Variants in ANAPC7 observed in about 807,000 individuals in gnomAD.
ANAPC7 encodes the protein anaphase-promoting complex subunit 7.
In ANAPC7, 25 loss-of-function variants were observed where a neutral mutation model predicts 63.3. The observed-to-expected ratio is 0.39, with a 90% CI of 0.29 to 0.55. The LOEUF (loss-of-function observed/expected upper bound fraction) is 0.55, where lower values mean the gene tolerates loss of function less well. Among genes scored for constraint, ANAPC7 ranks in the 20% least tolerant of loss-of-function variants. The pLI is 0.57. For synonymous variants in ANAPC7, 241 were observed against 251.7 expected (o/e 0.96, Z 0.40); for missense variants, 516 against 691.7 (o/e 0.75, Z 2.85).
At chr12:110,400,265 T>G (rs912837141) in intron 1 of ANAPC7, among the ~76,000 whole-genome samples, 1 of 152,222 alleles carries the variant, frequency 6.6e-6, no homozygotes, top group Admixed American at 6.5e-5. Context: ...CATGTCTACT[T>G]ACACATGCAT....
Position 110,396,399 on chromosome 12 carries a change from G to C in ANAPC7, c.155C>G (p.Ser52Cys), listed in dbSNP as rs771659945. The change falls in exon 2 of 11, where the codon TCT (serine) becomes TGT (cysteine). Residue 52 changes from serine to cysteine, a missense_variant. This residue lies in a region of ANAPC7 where 185 missense variants were observed against 200.3 expected (regional missense o/e 0.92). Coordinates refer to ENST00000455511, the MANE Select transcript of ANAPC7 (RefSeq NM_016238.3). ...KYQLLVYHADSLFHDKEYRNA... is the reference protein window; with the variant it reads ...KYQLLVYHADCLFHDKEYRNA... The stretch of plus-strand genomic sequence containing the variant: ...CCGATATTCCTTATCATGAAAGAGA[G>C]AATCTGCATGATACACCAAAAGCTG... 2.0e-5 allele frequency: 32 copies of C among 1,613,688 alleles called. No homozygotes were observed. The highest frequency in any genetic ancestry group is 3.3e-5 in the Admixed American group (2 of 59,940).
intron 10 of ANAPC7, chr12:110,375,583 T>G (rs1209829012): frequency 1.3e-6 from 1 of 773,144 alleles, no homozygotes; most frequent in African/African-American, 1.9e-5. Context: ...ATTTAATATC[T>G]AATAAGGTAG....
chr12:110,378,441 C>T (rs1025147839), intron 8 of ANAPC7: 2 of 152,182 alleles, frequency 1.3e-5, no homozygotes, highest in African/African-American at 4.8e-5. Context: ...AAATAAAGGA[C>T]TTATTGTCAA....
chr12:110,398,971 A>G (rs956733301), intron 1 of ANAPC7, among the ~76,000 whole-genome samples: 1 of 152,216 alleles, frequency 6.6e-6, no homozygotes, highest in Non-Finnish European at 1.5e-5. Context: ...AAAAACAAGA[A>G]AAACAAAGTT....
intron 3 of ANAPC7, among the ~76,000 whole-genome samples, chr12:110,389,123 C>T (rs1882881754): frequency 6.6e-6 from 1 of 150,892 alleles, no homozygotes; most frequent in Non-Finnish European, 1.5e-5. Flanking sequence ...GAAATTACTA[C>T]CCTTCCTTTC....
intron 9 of ANAPC7, among the ~76,000 whole-genome samples, chr12:110,377,170 A>C: frequency 6.6e-6 from 1 of 151,584 alleles, no homozygotes; most frequent in Non-Finnish European, 1.5e-5. Context: ...TAGTGAGCCG[A>C]ATAGATACCA....
intron 4 of ANAPC7, 143 bp from the exon 5 acceptor site, chr12:110,388,035 T>C (rs1882769159): frequency 1.1e-6 from 1 of 874,540 alleles, no homozygotes; most frequent in Admixed American, 2.9e-5. Context: ...AACCATAATT[T>C]AGTATTTCTT....
At chr12:110,380,335 A>G (rs1287326967) in intron 8 of ANAPC7, among the ~76,000 whole-genome samples, 58 of 140,700 alleles carry the variant, frequency 4.1e-4, no homozygotes, top group East Asian at 1.3e-3. Context: ...TGGGTGACAG[A>G]GTGAGACTCT....
intron 1 of ANAPC7, among the ~76,000 whole-genome samples, chr12:110,396,912 A>C (rs2062147795): frequency 6.6e-6 from 1 of 151,938 alleles, no homozygotes. Flanking sequence ...TTTTAAAAAC[A>C]GGCTGCACAG....
intron 1 of ANAPC7, among the ~76,000 whole-genome samples, chr12:110,398,277 A>T (rs949429298): frequency 4.6e-5 from 7 of 151,938 alleles, no homozygotes; most frequent in Non-Finnish European, 8.8e-5. Context: ...TTAGCCAGGC[A>T]TGGTGGTGCA....
chr12:110,377,199 G>T (rs1359189576), intron 9 of ANAPC7, among the ~76,000 whole-genome samples, 194 bp downstream of exon 9: 1 of 151,610 alleles, frequency 6.6e-6, no homozygotes. Flanking sequence ...TAGGTGGTTG[G>T]AACCAAGCCA....
chr12:110,382,799 T>C, intron 7 of ANAPC7, 44 bp downstream of exon 7: 2 of 1,485,524 alleles, frequency 1.3e-6, no homozygotes, highest in Non-Finnish European at 1.9e-6. Context: ...CATTATCTCT[T>C]AATCTACTGA....
chr12:110,395,289 A>T (rs1188294881), intron 2 of ANAPC7, 69 bp from the exon 3 acceptor site: 2 of 1,485,886 alleles, frequency 1.3e-6, no homozygotes, highest in Non-Finnish European at 1.8e-6. Flanking sequence ...AAAACGTTAA[A>T]CATAGAGTTA....
At chr12:110,384,471 G>A (rs768190716) in intron 6 of ANAPC7, among the ~76,000 whole-genome samples, 3 of 151,426 alleles carry the variant, frequency 2.0e-5, no homozygotes, top group Non-Finnish European at 4.4e-5. Context: ...TTGGGAGGCC[G>A]AGGTGGAAAT....
chr12:110,388,425 T>A, intron 4 of ANAPC7, 87 bp downstream of exon 4: 1 of 1,011,618 alleles, frequency 9.9e-7, no homozygotes, highest in Non-Finnish European at 1.5e-6. Context: ...TTAAAAAAAA[T>A]AAAGTTATTC....
At chr12:110,391,050 T>C (rs931694062) in intron 3 of ANAPC7, among the ~76,000 whole-genome samples, 1 of 151,948 alleles carries the variant, frequency 6.6e-6, no homozygotes, top group African/African-American at 2.4e-5. Context: ...ATTAGGCAGG[T>C]GCAGCGGTAC....
intron 8 of ANAPC7, chr12:110,377,954 C>G: frequency 2.0e-6 from 1 of 504,832 alleles, no homozygotes; most frequent in Non-Finnish European, 3.0e-6. Context: ...TGTCATATGG[C>G]CAAGAGATCA....
At chr12:110,383,801 G>A (rs1174118979) in intron 6 of ANAPC7, among the ~76,000 whole-genome samples, 1 of 147,666 alleles carries the variant, frequency 6.8e-6, no homozygotes, top group Non-Finnish European at 1.5e-5. Context: ...GCTTGAATCA[G>A]GGAGGCGGAG....
rs972658878 is a variant in ANAPC7 at position 110,373,947 on chromosome 12, GA to G, written c.*196del. 7.4e-6 allele frequency: 4 copies of G among 539,480 alleles called. No individual in the cohort carries two copies. The highest frequency in any genetic ancestry group is 1.2e-5 in the Non-Finnish European group (4 of 326,626). The allele number at this position is 539,480 out of a possible 1,614,324, so 33.4% of individuals were successfully genotyped here. ...TCCCTGGCTGGAGCAGGGGAGGATGGAGATACATGGAAGGTTGGTCAGGCTC... is the reference window on the plus strand; with the variant it reads ...TCCCTGGCTGGAGCAGGGGAGGATGGGATACATGGAAGGTTGGTCAGGCTC... On this transcript the variant is annotated 3_prime_UTR_variant, in exon 11 of 11. Transcript: ENST00000455511.
Sources: allele counts gnomAD v4.1 joint callset (sites outside exome capture counted in the v4.1 genomes callset), GRCh38; gene constraint gnomAD v4.1.1; regional missense constraint gnomAD v4.1.1; transcripts MANE v1.5; gene names NCBI Gene and HGNC (gene_info 2026-07-23, HGNC 2026-07-21).